C8orf88: variants seen among roughly 807,000 people sequenced by gnomAD.
The protein encoded by C8orf88 is chromosome 8 open reading frame 88.
C8orf88 carries 14 observed loss-of-function variants against 18.4 expected under a neutral mutation model. That is an observed-to-expected ratio of 0.76 (90% CI 0.50 to 1.19). The LOEUF is 1.19. Ranked by LOEUF, C8orf88 falls within the 50% of genes most tolerant of loss-of-function variation. C8orf88 has a pLI of 0.00. For missense variants in C8orf88, 116 were observed against 134.7 expected (o/e 0.86, Z 0.69); for synonymous variants, 45 against 42.9 (o/e 1.05, Z -0.19).
chr8:90,964,482 T>TACTGCTTGTA (rs1235347991), intron 4 of C8orf88, among the ~76,000 whole-genome samples: 28 of 151,814 alleles, frequency 1.8e-4, no homozygotes, highest in African/African-American at 6.7e-4. Context: ...ACTGACAGTT[T>TACTGCTTGTA]ACTGCTTGTA....
chr8:90,982,494 G>A (rs1811448177), intron 1 of C8orf88, among the ~76,000 whole-genome samples: 1 of 152,142 alleles, frequency 6.6e-6, no homozygotes, highest in African/African-American at 2.4e-5. Flanking sequence ...TTGCTCAGCT[G>A]AAATTTAGTT....
chr8:90,965,622 C>T (rs1056254584), intron 4 of C8orf88, among the ~76,000 whole-genome samples: 1 of 151,700 alleles, frequency 6.6e-6, no homozygotes, highest in African/African-American at 2.4e-5. Context: ...CCAGGATGAA[C>T]TCATATGTTA....
At chr8:90,960,209 G>A (rs1202646144) in intron 5 of C8orf88, among the ~76,000 whole-genome samples, 1 of 151,322 alleles carries the variant, frequency 6.6e-6, no homozygotes, top group African/African-American at 2.4e-5. Flanking sequence ...AGGTAACACA[G>A]AAATATAAAG....
rs557465403 is a variant in C8orf88 at position 90,968,656 on chromosome 8, A to G, written c.223+2410T>C. On this transcript the variant is annotated intron_variant, in intron 4 of 5. Transcript: ENST00000517562. ...ATCTCCAGTAGAGAATGAAAAGACA[A>G]CATATATATATATATATATATATAT... Among the ~76,000 whole-genome samples the G allele has an allele frequency of 1.8e-3, 194 of 106,946 alleles. 7 individuals carry two copies. Among genetic ancestry groups the G allele is most frequent in the Non-Finnish European group, 3.0e-3 (162 of 53,264 alleles). The allele number at this position is 106,946 out of a possible 152,430, so 70.2% of individuals were successfully genotyped here. A position where few individuals can be genotyped will look rare whatever the true frequency, so the allele number is the denominator to read the frequency against.
At chr8:90,980,311 A>G in intron 2 of C8orf88, 52 bp downstream of exon 2, 1 of 1,093,530 alleles carries the variant, frequency 9.1e-7, no homozygotes, top group Non-Finnish European at 1.2e-6. Flanking sequence ...TTCAAATACT[A>G]ATTAGTCATT....
chr8:90,959,380 T>C (rs1164931537), intron 5 of C8orf88: 1 of 156,892 alleles, frequency 6.4e-6, no homozygotes, highest in Non-Finnish European at 1.4e-5. Flanking sequence ...CACAATAAAA[T>C]GTTATTAAAG....
chr8:90,978,013 T>C (rs1406344826), intron 3 of C8orf88, among the ~76,000 whole-genome samples: 3 of 152,074 alleles, frequency 2.0e-5, no homozygotes, highest in African/African-American at 7.2e-5. Context: ...AAGAAACTGG[T>C]ACAATGCATC....
chr8:90,980,830 T>C (rs893118375), intron 1 of C8orf88, among the ~76,000 whole-genome samples: 1 of 152,116 alleles, frequency 6.6e-6, no homozygotes, highest in African/African-American at 2.4e-5. Flanking sequence ...ATAGCTGGGA[T>C]TACAGGCATG....
At chr8:90,971,273 A>C in intron 3 of C8orf88, 132 bp from the exon 4 acceptor site, 1 of 420,692 alleles carries the variant, frequency 2.4e-6, no homozygotes, top group Non-Finnish European at 4.2e-6. Flanking sequence ...AATCATTATA[A>C]GTCTGCTTAT....
intron 1 of C8orf88, among the ~76,000 whole-genome samples, chr8:90,982,784 T>A (rs1811452205): frequency 6.6e-6 from 1 of 152,082 alleles, no homozygotes; most frequent in Non-Finnish European, 1.5e-5. Flanking sequence ...AAGTAAACGA[T>A]GCCTGCAGGG....
At chr8:90,969,147 G>A (rs1467558509) in intron 4 of C8orf88, among the ~76,000 whole-genome samples, 1 of 151,678 alleles carries the variant, frequency 6.6e-6, no homozygotes, top group African/African-American at 2.4e-5. Flanking sequence ...AACAAGTGTT[G>A]AAACAAAAAC....
chr8:90,965,636 C>CA lies in C8orf88; in HGVS notation c.224-4789dup, dbSNP rs141238255. Among the ~76,000 whole-genome samples, 1,377 of 151,746 alleles carry CA rather than the reference C, an allele frequency of 9.1e-3. 21 individuals carry two copies. Among genetic ancestry groups the CA allele is most frequent in the African/African-American group, 0.031 (1,291 of 41,442 alleles). ...TCCAGGATGAACTCATATGTTAGGC[C>CA]ACAAAAGAGTCTCAATAAATTTAAA... On this transcript the variant is annotated intron_variant, in intron 4 of 5. Transcript: ENST00000517562.
chr8:90,971,144 G>A lies in C8orf88; in HGVS notation c.148-3C>T. 6.8e-7 allele frequency: 1 copy of A among 1,464,484 alleles called. No homozygotes were observed. The highest frequency in any genetic ancestry group is 9.0e-7 in the Non-Finnish European group (1 of 1,109,364). The allele number at this position is 1,464,484 out of a possible 1,614,324, so 90.7% of individuals were successfully genotyped here. A position where few individuals can be genotyped will look rare whatever the true frequency, so the allele number is the denominator to read the frequency against. On this transcript the variant is annotated splice_region_variant and splice_polypyrimidine_tract_variant and intron_variant, in intron 3 of 5. Coordinates refer to ENST00000517562, the MANE Select transcript of C8orf88 (RefSeq NM_001190972.2). ...GCTTGCATTCCATTCGTCTTACACT[G>A]TTAAACATGAAGAAAATAAACTTTT...
In C8orf88 at chr8:90,984,926, C is replaced by T. The variant is rs373052749; in HGVS notation, c.-27+188G>A. Among the ~76,000 whole-genome samples the T allele has an allele frequency of 1.1e-4, 17 of 152,282 alleles. No individual in the cohort carries two copies. The East Asian group carries it at 1.9e-3, about 17-fold the overall frequency. ...CTCATCCGACGCTCTCGCTCCCATC[C>T]CACTCCCATTCAGGGTCCACAGGGT... is the stretch of plus-strand genomic sequence containing the variant. On this transcript the variant is annotated intron_variant, in intron 1 of 5. Transcript: ENST00000517562.
Position 90,980,372 on chromosome 8 carries a change from A to C in C8orf88, c.64T>G (p.Ser22Ala). 6.5e-7 allele frequency: 1 copy of C among 1,529,440 alleles called. No individual in the cohort carries two copies. The allele number at this position is 1,529,440 out of a possible 1,614,324, so 94.7% of individuals were successfully genotyped here. A position where few individuals can be genotyped will look rare whatever the true frequency, so the allele number is the denominator to read the frequency against. ...ACAATCTATTACTCACCTGGGGGAG[A>C]AGTCAGATGACGAACAGGTCTTGCT... ...QPARPVRHLT[S>A]PPGAVFPFNF... is the part of the protein sequence containing the mutation. Residue 22 changes from serine to alanine, a missense_variant, in exon 2 of 6, where the codon TCT becomes GCT. By Grantham distance (99) the Ser-to-Ala change is moderately conservative. Transcript: ENST00000517562.
intron 3 of C8orf88, among the ~76,000 whole-genome samples, chr8:90,974,472 A>C (rs1811321106): frequency 6.6e-6 from 1 of 152,180 alleles, no homozygotes; most frequent in African/African-American, 2.4e-5. Flanking sequence ...TCAAGCCTTT[A>C]AGTGCTTCCT....
At chr8:90,973,419 T>C (rs896252523) in intron 3 of C8orf88, among the ~76,000 whole-genome samples, 15 of 152,280 alleles carry the variant, frequency 9.9e-5, no homozygotes, top group Non-Finnish European at 1.5e-4. Context: ...TATAATTTTA[T>C]TCAAATCAAG....
chr8:90,960,677 T>C, intron 5 of C8orf88, 65 bp downstream of exon 5: 6 of 921,014 alleles, frequency 6.5e-6, no homozygotes. Context: ...TAGAGTCTGA[T>C]GAAAATGTTA....
chr8:90,958,776 T>G lies in C8orf88; in HGVS notation c.*231A>C, dbSNP rs1315211094. ...AGTCTTCCCACTTCACTAACCAAAT[T>G]CCTACTTTCCAGTGTTACTTCCCAA... On this transcript the variant is annotated 3_prime_UTR_variant, in exon 6 of 6. Transcript: ENST00000517562. 2 of 400,622 alleles carry G rather than the reference T, an allele frequency of 5.0e-6. No homozygotes were observed. The highest frequency in any genetic ancestry group is 8.9e-6 in the Non-Finnish European group (2 of 225,436). 24.8% of individuals were successfully genotyped at this position (400,622 alleles called of 1,614,324 possible).
Sources: gnomAD v4.1 joint callset for allele counts (sites outside exome capture counted in the v4.1 genomes callset) on GRCh38, gnomAD v4.1.1 for gene constraint, MANE v1.5 for transcripts, NCBI Gene and HGNC (gene_info 2026-07-23, HGNC 2026-07-21) for gene names.